Variants in SGCZ observed in about 807,000 individuals in gnomAD.
SGCZ encodes the protein sarcoglycan zeta, also known as zeta-sarcoglycan.
SGCZ carries 40 observed loss-of-function variants against 41.3 expected under a neutral mutation model. The ratio of observed to expected loss-of-function variants is 0.97; its 90% CI spans 0.75 to 1.26. SGCZ has a LOEUF of 1.26. SGCZ is among the 50% of genes most tolerant of loss of function. The pLI is 0.00. For synonymous variants in SGCZ, 206 were observed against 137.5 expected, an observed-to-expected ratio of 1.50 and a Z score of -3.49; for missense variants, 552 against 369.8, an observed-to-expected ratio of 1.49 and a Z score of -4.04.
intron 7 of SGCZ, among the ~76,000 whole-genome samples, chr8:14,093,848 G>C (rs550370759): frequency 1.3e-5 from 2 of 152,118 alleles, no homozygotes; most frequent in East Asian, 3.9e-4. Context: ...CTCATTAACA[G>C]TTATACTTTT....
chr8:14,879,527 G>C (rs1804497617), intron 1 of SGCZ, among the ~76,000 whole-genome samples: 1 of 151,756 alleles, frequency 6.6e-6, no homozygotes, highest in Non-Finnish European at 1.5e-5. Context: ...TTTGCTCTGA[G>C]TTTCTTATAT....
chr8:14,655,779 T>C (rs1257535284), intron 1 of SGCZ, among the ~76,000 whole-genome samples: 3 of 152,080 alleles, frequency 2.0e-5, no homozygotes, highest in Non-Finnish European at 2.9e-5. Flanking sequence ...TCCCTTCCTA[T>C]CCTTAACACT....
rs78380047 is a variant in SGCZ at position 15,182,455 on chromosome 8, C to G, written c.39+55130G>C. Among the ~76,000 whole-genome samples the G allele has an allele frequency of 7.9e-3, 1,198 of 152,272 alleles. 17 individuals are homozygous for G. The highest frequency in any genetic ancestry group is 0.027 in the African/African-American group (1,109 of 41,536). ...GAATAAATGGTACAGCCTATTACTC[C>G]TAGGCTACAAACATGTTTAGCATGT... On this transcript the variant is annotated intron_variant, in intron 1 of 7. Coordinates refer to ENST00000382080, the MANE Select transcript of SGCZ (RefSeq NM_139167.4).
At chr8:14,691,502 G>C (rs933950615) in intron 1 of SGCZ, among the ~76,000 whole-genome samples, 2 of 151,946 alleles carry the variant, frequency 1.3e-5, no homozygotes, top group Non-Finnish European at 2.9e-5. Flanking sequence ...TAATTTATAT[G>C]ATTGTAAAAG....
intron 1 of SGCZ, among the ~76,000 whole-genome samples, chr8:14,869,095 A>C (rs568871415): frequency 5.9e-5 from 9 of 152,308 alleles, no homozygotes; most frequent in African/African-American, 2.2e-4. Context: ...TTATGAGGCC[A>C]GCATCATTCT....
chr8:14,770,446 G>A (rs1228101516), intron 1 of SGCZ, among the ~76,000 whole-genome samples: 3 of 151,636 alleles, frequency 2.0e-5, no homozygotes, highest in African/African-American at 7.3e-5. Flanking sequence ...GTGGGGGTAA[G>A]GAGAGGGAGG....
At position 14,427,729 on chromosome 8, in the gene SGCZ, C is replaced by G. The variant is rs543147164; in HGVS notation, c.235-103525G>C. The stretch of plus-strand genomic sequence containing the variant: ...ATTAGCAGGTAACTATCACAAGGAC[C>G]AAACAAAAAGGCAAATTAAAGAAGG... On this transcript the variant is annotated intron_variant, in intron 2 of 7. Transcript: ENST00000382080. Among the ~76,000 whole-genome samples the G allele has an allele frequency of 1.6e-3, 251 of 152,152 alleles. 4 individuals are homozygous for G. The highest frequency in any genetic ancestry group is 2.9e-3 in the Non-Finnish European group (197 of 68,002).
intron 1 of SGCZ, among the ~76,000 whole-genome samples, chr8:14,869,113 A>G (rs1359689173): frequency 6.6e-6 from 1 of 152,164 alleles, no homozygotes; most frequent in African/African-American, 2.4e-5. Flanking sequence ...TCTGATACCC[A>G]AACCTGGCAG....
chr8:14,825,374 G>A (rs1278323943), intron 1 of SGCZ, among the ~76,000 whole-genome samples: 3 of 152,068 alleles, frequency 2.0e-5, no homozygotes, highest in African/African-American at 4.8e-5. Flanking sequence ...CATGTGCTTA[G>A]ATTTATAGTA....
At chr8:14,122,142 C>T (rs563272248) in intron 5 of SGCZ, among the ~76,000 whole-genome samples, 33 of 152,130 alleles carry the variant, frequency 2.2e-4, no homozygotes, top group African/African-American at 7.7e-4. Context: ...CCGCGCATGG[C>T]GGCAGGCGCC....
chr8:14,687,173 T>A (rs58055499), intron 1 of SGCZ, among the ~76,000 whole-genome samples: 3,979 of 136,894 alleles, frequency 0.029, 80 homozygotes, highest in African/African-American at 0.066. Context: ...AAAAAAAAAA[T>A]ATATATATAT....
intron 1 of SGCZ, among the ~76,000 whole-genome samples, chr8:15,029,746 C>A (rs1325469616): frequency 6.6e-6 from 1 of 152,046 alleles, no homozygotes; most frequent in Non-Finnish European, 1.5e-5. Context: ...TTTGATTATA[C>A]TTTCTCTGTT....
chr8:14,650,619 G>C (rs775982008), intron 1 of SGCZ, among the ~76,000 whole-genome samples: 26 of 151,880 alleles, frequency 1.7e-4, no homozygotes, highest in Admixed American at 9.9e-4. Context: ...TATTAAGCTG[G>C]ACTGAAGTAT....
At chr8:14,879,091 G>A (rs548873560) in intron 1 of SGCZ, 1 of 152,312 alleles carries the variant, frequency 6.6e-6, no homozygotes, top group South Asian at 2.1e-4. Flanking sequence ...TTGGGAGGAT[G>A]AGGTGGGAGG....
At chr8:14,481,750 C>A (rs1373185333) in intron 2 of SGCZ, among the ~76,000 whole-genome samples, 1 of 152,030 alleles carries the variant, frequency 6.6e-6, no homozygotes, top group Non-Finnish European at 1.5e-5. Flanking sequence ...AAATTAAAAA[C>A]TTTTAAATTG....
chr8:14,713,094 AG>A (rs1295143806), intron 1 of SGCZ, among the ~76,000 whole-genome samples: 1 of 152,192 alleles, frequency 6.6e-6, no homozygotes, highest in Non-Finnish European at 1.5e-5. Flanking sequence ...CTATTAAAAA[AG>A]TTTCTTGGAA....
intron 1 of SGCZ, among the ~76,000 whole-genome samples, chr8:15,190,681 G>T (rs1032116230): frequency 1.3e-4 from 19 of 150,266 alleles, no homozygotes; most frequent in Non-Finnish European, 2.2e-4. Flanking sequence ...AAAATTGTGT[G>T]GGGGGAGGTG....
At chr8:14,152,156 A>G (rs1803729213) in intron 5 of SGCZ, among the ~76,000 whole-genome samples, 1 of 149,170 alleles carries the variant, frequency 6.7e-6, no homozygotes, top group African/African-American at 2.4e-5. Flanking sequence ...TGAGAGTAGG[A>G]TAAAATATTT....
intron 1 of SGCZ, among the ~76,000 whole-genome samples, chr8:14,950,660 T>C (rs575432802): frequency 1.3e-3 from 200 of 152,076 alleles, no homozygotes; most frequent in African/African-American, 4.0e-3. Context: ...AGAAAAAAAT[T>C]CCAGAAATAC....
Sources: allele counts gnomAD v4.1 joint callset (sites outside exome capture counted in the v4.1 genomes callset), GRCh38; gene constraint gnomAD v4.1.1; transcripts MANE v1.5; gene names NCBI Gene and HGNC (gene_info 2026-07-23, HGNC 2026-07-21).